The following ZNF91 variants were observed in gnomAD, a reference collection of about 807,000 sequenced individuals.
ZNF91 encodes zinc finger protein 91 (HPF7, HTF10).
A neutral mutation model predicts 12.6 loss-of-function variants in ZNF91; 7 were observed. The observed-to-expected ratio is 0.55, with a 90% CI of 0.31 to 1.04. The LOEUF (loss-of-function observed/expected upper bound fraction) is 1.04. Among genes scored for constraint, ZNF91 ranks in the 50% least tolerant of loss-of-function variants. The pLI is 0.05. For missense variants in ZNF91, 1,217 were observed against 1,385.4 expected (o/e 0.88, Z 1.93); for synonymous variants, 453 against 462.6 (o/e 0.98, Z 0.27).
At position 23,380,266 on chromosome 19, in the gene ZNF91, C is replaced by CAAAAAAAAAA. The variant is rs199502898; in HGVS notation, c.31-5512_31-5503dup. Reference sequence around the variant, plus strand: ...TGGGCAATGGGGGGAAAATCCGTCTCAAAAAAAAAAAAAAAAAAAAAAAAA... The same window carrying CAAAAAAAAAA: ...TGGGCAATGGGGGGAAAATCCGTCTCAAAAAAAAAAAAAAAAAAAAAAAAAAAAAAAAAAA... On this transcript the variant is annotated intron_variant, in intron 1 of 3. Transcript: ENST00000300619. 6.3e-4 allele frequency: 33 copies of CAAAAAAAAAA among 52,738 alleles called. 5 individuals carry two copies. Among genetic ancestry groups the CAAAAAAAAAA allele is most frequent in the African/African-American group, 1.5e-3 (26 of 17,434 alleles). 3.3% of individuals were successfully genotyped at this position (52,738 alleles called of 1,614,324 possible). A position where few individuals can be genotyped will look rare whatever the true frequency, so the allele number is the denominator to read the frequency against.
intron 3 of ZNF91, among the ~76,000 whole-genome samples, chr19:23,368,322 C>A (rs901251775): frequency 6.6e-6 from 1 of 151,784 alleles, no homozygotes; most frequent in Admixed American, 6.6e-5. Flanking sequence ...CCAGACCAGC[C>A]TGAACAAGAT....
chr19:23,377,314 C>T (rs1254089962), intron 1 of ZNF91, among the ~76,000 whole-genome samples: 1 of 152,186 alleles, frequency 6.6e-6, no homozygotes, highest in Non-Finnish European at 1.5e-5. Context: ...CAAATAGATG[C>T]TATCTTCAGA....
At chr19:23,335,309 ATC>A (rs940982209), downstream of ZNF91, among the ~76,000 whole-genome samples, 20 of 152,304 alleles carry the variant, frequency 1.3e-4, no homozygotes, top group African/African-American at 4.8e-4. Context: ...CTATTCTCAG[ATC>A]TCAAACTCTG....
chr19:23,369,221 A>C (rs985475624), intron 3 of ZNF91, among the ~76,000 whole-genome samples: 1 of 151,964 alleles, frequency 6.6e-6, no homozygotes, highest in African/African-American at 2.4e-5. Flanking sequence ...GAGGCAGGAG[A>C]ATCGCTTGAA....
downstream of ZNF91, among the ~76,000 whole-genome samples, chr19:23,337,348 ATG>A (rs916885109): frequency 1.3e-5 from 2 of 151,378 alleles, no homozygotes; most frequent in Non-Finnish European, 2.9e-5. Flanking sequence ...GTGTGTGTGT[ATG>A]TGTGTGTGTA....
chr19:23,379,339 T>G (rs772182247), intron 1 of ZNF91, among the ~76,000 whole-genome samples: 3 of 152,202 alleles, frequency 2.0e-5, no homozygotes, highest in African/African-American at 4.8e-5. Context: ...CTTATGTGTT[T>G]ATATTATGTC....
downstream of ZNF91, among the ~76,000 whole-genome samples, chr19:23,334,946 C>T (rs1457932168): frequency 6.6e-6 from 1 of 152,166 alleles, no homozygotes; most frequent in African/African-American, 2.4e-5. Flanking sequence ...CAGTTTTTCA[C>T]ATACCAAAAA....
chr19:23,386,086 ATATC>A (rs1221406592), intron 1 of ZNF91, among the ~76,000 whole-genome samples: 1 of 152,164 alleles, frequency 6.6e-6, no homozygotes, highest in Non-Finnish European at 1.5e-5. Flanking sequence ...AAATAATAAA[ATATC>A]TAAGAATACA....
intron 1 of ZNF91, among the ~76,000 whole-genome samples, chr19:23,329,447 G>A (rs1967889798): frequency 6.6e-6 from 1 of 152,130 alleles, no homozygotes; most frequent in South Asian, 2.1e-4. Context: ...GAACATAAGT[G>A]GTCTTGTGAT....
intron 3 of ZNF91, among the ~76,000 whole-genome samples, chr19:23,351,129 C>A (rs1968354496): frequency 6.6e-6 from 1 of 152,042 alleles, no homozygotes; most frequent in African/African-American, 2.4e-5. Flanking sequence ...AGTTTGAGAC[C>A]AGCCTGGCCA....
At chr19:23,349,082 C>G (rs1208274463) in intron 3 of ZNF91, among the ~76,000 whole-genome samples, 1 of 152,120 alleles carries the variant, frequency 6.6e-6, no homozygotes, top group African/African-American at 2.4e-5. Context: ...AAATGTTTAT[C>G]AAGACAATGT....
downstream of ZNF91, among the ~76,000 whole-genome samples, chr19:23,355,402 T>C (rs1431738473): frequency 1.9e-4 from 29 of 152,102 alleles, 1 homozygote; most frequent in Admixed American, 5.2e-4. Flanking sequence ...GCTAGCCACA[T>C]GTAGAATGAA....
intron 3 of ZNF91, among the ~76,000 whole-genome samples, chr19:23,366,771 A>G (rs890886775): frequency 7.2e-5 from 11 of 152,248 alleles, no homozygotes; most frequent in African/African-American, 2.7e-4. Flanking sequence ...CAAACTATTC[A>G]TAAGGACTCT....
chr19:23,313,254 A>T (rs548674562), upstream of ZNF91, among the ~76,000 whole-genome samples: 1 of 152,366 alleles, frequency 6.6e-6, no homozygotes, highest in South Asian at 2.1e-4. Context: ...ACCAGCCCAC[A>T]TACAGGATTG....
intron 3 of ZNF91, among the ~76,000 whole-genome samples, chr19:23,348,734 C>A (rs1179434058): frequency 6.6e-6 from 1 of 152,140 alleles, no homozygotes. Context: ...GGTCTGACTG[C>A]CTTATGGTTA....
At chr19:23,323,333 G>A (rs148574190) in intron 1 of ZNF91, among the ~76,000 whole-genome samples, 2,807 of 103,284 alleles carry the variant, frequency 0.027, 55 homozygotes, top group Non-Finnish European at 0.034. Context: ...TCTTCTCCTC[G>A]TCCTCCTCCT....
intron 1 of ZNF91, 140 bp downstream of exon 1, chr19:23,395,183 CTG>C: frequency 9.6e-7 from 1 of 1,036,796 alleles, no homozygotes; most frequent in South Asian, 1.5e-5. Flanking sequence ...CTGAAGGGGA[CTG>C]AGGCCGAGCT....
rs903176754 is a variant in ZNF91 at position 23,323,033 on chromosome 19, TCTC to T, written n.117-13939_117-13937del. Reference sequence around the variant, plus strand: ...TTTTCCTCTTTTTCTCCTCGTCCTTTCTCCTTTTTGTTTCCTCCTCCTTTCCTC... The same window carrying T: ...TTTTCCTCTTTTTCTCCTCGTCCTTTCTTTTTGTTTCCTCCTCCTTTCCTC... On this transcript the variant is annotated intron_variant and non_coding_transcript_variant, in intron 1 of 1. Transcript: ENST00000596528. 1.1e-3 allele frequency among the ~76,000 whole-genome samples: 58 copies of T among 52,542 alleles called. 1 individual carries two copies. The highest frequency in any genetic ancestry group is 2.9e-3 in the African/African-American group (37 of 12,756). 34.5% of individuals were successfully genotyped at this position (52,542 alleles called of 152,430 possible).
chr19:23,395,302 G>A (rs367544761), intron 1 of ZNF91, 23 bp downstream of exon 1: 125 of 1,612,588 alleles, frequency 7.8e-5, no homozygotes, highest in Middle Eastern at 1.7e-4. Flanking sequence ...CCTCTCTCGG[G>A]ACGTCGCACC....
Sources: allele counts gnomAD v4.1 joint callset (sites outside exome capture counted in the v4.1 genomes callset), GRCh38; gene constraint gnomAD v4.1.1; transcripts MANE v1.5; gene names NCBI Gene and HGNC (gene_info 2026-07-23, HGNC 2026-07-21).